The following NAV3 variants were observed in gnomAD, a reference collection of about 807,000 sequenced individuals.
NAV3 encodes neuron navigator 3, also known as pore membrane and/or filament interacting like protein 1.
NAV3 carries 87 observed loss-of-function variants against 244.7 expected under a neutral mutation model. That is an observed-to-expected ratio of 0.36 (90% CI 0.30 to 0.42). NAV3 has a LOEUF of 0.42. NAV3 is among the 20% of genes least tolerant of loss of function. The probability of loss-of-function intolerance (pLI) is 1.00; values close to 1 mark genes in which losing one functional copy is unlikely to be tolerated. For missense variants in NAV3, 2,663 were observed against 2,893.3 expected (o/e 0.92, Z 1.83); for synonymous variants, 1,126 against 1,042.2 (o/e 1.08, Z -1.55).
intron 2 of NAV3, among the ~76,000 whole-genome samples, chr12:77,785,088 G>T (rs1189178429): frequency 1.3e-5 from 2 of 152,132 alleles, no homozygotes; most frequent in Non-Finnish European, 2.9e-5. Context: ...AATAATGCAG[G>T]TCAGTGAATC....
chr12:77,842,021 G>A (rs1286939348), intron 1 of NAV3, among the ~76,000 whole-genome samples: 2 of 152,204 alleles, frequency 1.3e-5, no homozygotes, highest in Non-Finnish European at 2.9e-5. Context: ...CCAGCATATA[G>A]TTAGCTAGAA....
In NAV3 at chr12:78,187,384, A is replaced by G. The variant is rs114935296; in HGVS notation, c.5791-864A>G. On this transcript the variant is annotated intron_variant, in intron 31 of 39. Coordinates refer to ENST00000397909, the MANE Select transcript of NAV3 (RefSeq NM_001024383.2). ...TTCTACCACCCGTTAATGATAACAT[A>G]CTTGGTGACTAGAACCAGGATTATA... Among the ~76,000 whole-genome samples, 1,058 of 152,030 alleles carry G rather than the reference A, an allele frequency of 7.0e-3. 14 individuals are homozygous for G. Among genetic ancestry groups the G allele is most frequent in the African/African-American group, 0.024 (1,011 of 41,540 alleles).
chr12:78,039,823 G>A (rs1355414917), intron 9 of NAV3, among the ~76,000 whole-genome samples: 4 of 151,690 alleles, frequency 2.6e-5, no homozygotes, highest in African/African-American at 9.7e-5. Context: ...AAAGCACTTT[G>A]CACCAATGTT....
chr12:78,083,706 TTGAGTATCATGC>T (rs1389903675), intron 12 of NAV3, among the ~76,000 whole-genome samples: 2 of 152,204 alleles, frequency 1.3e-5, no homozygotes, highest in African/African-American at 4.8e-5. Flanking sequence ...TCAAACAGGG[TTGAGTATCATGC>T]TAACAACTAC....
chr12:77,969,759 G>C (rs1024049446), intron 5 of NAV3, among the ~76,000 whole-genome samples: 1 of 152,134 alleles, frequency 6.6e-6, no homozygotes, highest in Non-Finnish European at 1.5e-5. Context: ...GCAGAGAATT[G>C]CTTGAACCAG....
chr12:78,079,391 TTATTAGCCTGC>T (rs1412284619), intron 12 of NAV3, among the ~76,000 whole-genome samples: 2 of 152,336 alleles, frequency 1.3e-5, no homozygotes, highest in East Asian at 3.9e-4. Flanking sequence ...CTCTGAAGTT[TTATTAGCCTGC>T]TATTGATGCG....
intron 2 of NAV3, among the ~76,000 whole-genome samples, chr12:77,709,837 G>C (rs1387913030): frequency 6.6e-6 from 1 of 152,060 alleles, no homozygotes; most frequent in South Asian, 2.1e-4. Context: ...TTAGTTAAAA[G>C]GTTTATTTTC....
At chr12:77,763,882 A>G (rs1869613516) in intron 2 of NAV3, among the ~76,000 whole-genome samples, 2 of 152,204 alleles carry the variant, frequency 1.3e-5, no homozygotes, top group African/African-American at 2.4e-5. Flanking sequence ...CCATCCAGAT[A>G]GTACTACAGA....
chr12:78,077,634 G>T (rs1174772193), intron 12 of NAV3, among the ~76,000 whole-genome samples: 5 of 152,134 alleles, frequency 3.3e-5, no homozygotes, highest in East Asian at 3.9e-4. Context: ...AGATTGGGTG[G>T]CTTAAGCAAC....
chr12:77,942,277 C>T (rs917234776), intron 3 of NAV3, among the ~76,000 whole-genome samples: 2 of 152,162 alleles, frequency 1.3e-5, no homozygotes, highest in Middle Eastern at 3.4e-3. Context: ...GAGGCTGAGG[C>T]AGGAGAATCG....
At chr12:77,691,714 T>C (rs1875041161) in intron 2 of NAV3, among the ~76,000 whole-genome samples, 1 of 151,798 alleles carries the variant, frequency 6.6e-6, no homozygotes, top group Non-Finnish European at 1.5e-5. Context: ...TTTTGAGTTA[T>C]TGCTTTATAT....
At chr12:77,886,110 A>T (rs1353581032) in intron 1 of NAV3, among the ~76,000 whole-genome samples, 1 of 152,040 alleles carries the variant, frequency 6.6e-6, no homozygotes, top group Non-Finnish European at 1.5e-5. Flanking sequence ...CTGTCTCCTA[A>T]CCAATCTTTC....
intron 22 of NAV3, among the ~76,000 whole-genome samples, chr12:78,150,611 A>C (rs1957037978): frequency 6.7e-6 from 1 of 148,862 alleles, no homozygotes; most frequent in Non-Finnish European, 1.5e-5. Context: ...TATACTTAAT[A>C]CACACGTGCA....
At chr12:77,704,963 ACT>A (rs1257356370) in intron 2 of NAV3, among the ~76,000 whole-genome samples, 1 of 152,296 alleles carries the variant, frequency 6.6e-6, no homozygotes, top group East Asian at 1.9e-4. Flanking sequence ...TATTTTAGAA[ACT>A]CTGTGTTATA....
Position 78,142,821 on chromosome 12 carries a change from C to T in NAV3, c.4683+2487C>T, listed in dbSNP as rs1256612369. 2.7e-5 allele frequency among the ~76,000 whole-genome samples: 4 copies of T among 150,654 alleles called. No homozygotes were observed. The East Asian group carries it at 5.9e-4, about 22-fold the overall frequency. ...TAAAGAATGGATTAGGTGATCGAGC[C>T]ACATGAGAAGGTGATATTATTAGAA... On this transcript the variant is annotated intron_variant, in intron 20 of 39. Transcript: ENST00000397909.
chr12:77,693,970 T>C (rs1312547613), intron 2 of NAV3, among the ~76,000 whole-genome samples: 1 of 152,162 alleles, frequency 6.6e-6, no homozygotes, highest in East Asian at 1.9e-4. Flanking sequence ...ACGTCCCTTA[T>C]TAACAGAATC....
At chr12:78,156,129 A>T (rs1190348524) in intron 22 of NAV3, among the ~76,000 whole-genome samples, 1 of 151,736 alleles carries the variant, frequency 6.6e-6, no homozygotes, top group Non-Finnish European at 1.5e-5. Context: ...TAGTTTTTGG[A>T]TTTTACTTGT....
chr12:77,915,038 T>C (rs1886988452), intron 1 of NAV3, among the ~76,000 whole-genome samples: 1 of 152,022 alleles, frequency 6.6e-6, no homozygotes, highest in South Asian at 2.1e-4. Flanking sequence ...TGGATTCTAG[T>C]TGTCAGATCC....
At chr12:77,583,853 A>G (rs1382519464) in intron 2 of NAV3, among the ~76,000 whole-genome samples, 1 of 152,074 alleles carries the variant, frequency 6.6e-6, no homozygotes, top group Non-Finnish European at 1.5e-5. Context: ...GTCTCCTGCC[A>G]TTCTTTCTTC....
Sources: gnomAD v4.1 joint callset for allele counts (sites outside exome capture counted in the v4.1 genomes callset) on GRCh38, gnomAD v4.1.1 for gene constraint, MANE v1.5 for transcripts, NCBI Gene and HGNC (gene_info 2026-07-23, HGNC 2026-07-21) for gene names.